Variants in MRC2 observed in about 807,000 individuals in gnomAD.
MRC2 encodes mannose receptor C-type 2.
A neutral mutation model predicts 206.2 loss-of-function variants in MRC2; 84 were observed. The ratio of observed to expected loss-of-function variants is 0.41; its 90% CI spans 0.34 to 0.49. MRC2 has a LOEUF of 0.49. Ranked by LOEUF, MRC2 falls within the 20% of genes least tolerant of loss-of-function variation. The pLI, the probability that MRC2 is intolerant of heterozygous loss-of-function variation, is 0.31. For synonymous variants in MRC2, 798 were observed against 800.0 expected (o/e 1.00, Z 0.04); for missense variants, 1,676 against 2,001.5 (o/e 0.84, Z 3.10).
chr17:62,666,780 A>T lies in MRC2; in HGVS notation c.883A>T (p.Thr295Ser), dbSNP rs752100861. The change falls in exon 5 of 30, where the codon ACC (threonine) becomes TCC (serine). Residue 295 changes from threonine (T) to serine (S), a missense_variant. Thr to Ser is a moderately conservative substitution (Grantham distance 58). Transcript: ENST00000303375. This position sits in a 1 kb window ranked among gnomAD's most constrained non-coding sequence, Gnocchi z 5.0. ...INGLLTGYSS[T>S]LWIGLNDLDT... ...AGGCCTCCTCACTGGGTACAGCTCC[A>T]CCCTGTGGATCGGCTTGAATGACTT... is the stretch of plus-strand genomic sequence containing the variant. 1 of 1,613,636 alleles carries T rather than the reference A, an allele frequency of 6.2e-7. No individual in the cohort carries two copies. The highest frequency in any genetic ancestry group is 2.2e-5 in the East Asian group (1 of 44,830).
intron 1 of MRC2, among the ~76,000 whole-genome samples, chr17:62,636,466 T>C (rs1258303386): frequency 7.2e-6 from 1 of 138,512 alleles, no homozygotes; most frequent in African/African-American, 2.7e-5. Flanking sequence ...TTCTGATTTT[T>C]TTTTTTTTTT....
At position 62,666,019 on chromosome 17, in the gene MRC2, C is replaced by A; in HGVS notation, c.521-75C>A. 2 of 1,462,976 alleles carry A rather than the reference C, an allele frequency of 1.4e-6. No individual in the cohort carries two copies. The highest frequency in any genetic ancestry group is 1.8e-6 in the Non-Finnish European group (2 of 1,090,838). 90.6% of individuals were successfully genotyped at this position (1,462,976 alleles called of 1,614,324 possible). ...CAGCACTCTGGGTTTTAGGGGATTTCTCCTGAGGGTCGAGGGGCTTGGCAG... is the reference window on the plus strand; with the variant it reads ...CAGCACTCTGGGTTTTAGGGGATTTATCCTGAGGGTCGAGGGGCTTGGCAG... On this transcript the variant is annotated intron_variant, in intron 2 of 29. Coordinates refer to ENST00000303375, the MANE Select transcript of MRC2 (RefSeq NM_006039.5). This position sits in a 1 kb window ranked among gnomAD's most constrained non-coding sequence, Gnocchi z 5.0.
At chr17:62,636,461 A>AT (rs60774612) in intron 1 of MRC2, among the ~76,000 whole-genome samples, 1,103 of 76,802 alleles carry the variant, frequency 0.014, 7 homozygotes, top group Non-Finnish European at 0.019. Flanking sequence ...TAATCTTCTG[A>AT]TTTTTTTTTT....
At chr17:62,690,828 C>A in intron 27 of MRC2, 67 bp downstream of exon 27, 3 of 1,515,726 alleles carry the variant, frequency 2.0e-6, no homozygotes, top group Non-Finnish European at 2.7e-6. Context: ...CTCCACTTTG[C>A]CCTGAGCCTT....
chr17:62,652,100 C>G lies in MRC2; in HGVS notation c.119-12448C>G, dbSNP rs1035303800. 6.6e-6 allele frequency among the ~76,000 whole-genome samples: 1 copy of G among 152,144 alleles called. No individual in the cohort carries two copies. Among genetic ancestry groups the G allele is most frequent in the Admixed American group, 6.5e-5 (1 of 15,278 alleles). On this transcript the variant is annotated intron_variant, in intron 1 of 29. Transcript: ENST00000303375. This position sits in a 1 kb window ranked among gnomAD's most constrained non-coding sequence, Gnocchi z 4.6. ...ACCAGAGGGGCACGTGTAATATTTCCGCTTTCGGTTACTCCCCACCCCACA... is the reference window on the plus strand; with the variant it reads ...ACCAGAGGGGCACGTGTAATATTTCGGCTTTCGGTTACTCCCCACCCCACA...
intron 1 of MRC2, among the ~76,000 whole-genome samples, chr17:62,632,477 G>T (rs911168193): frequency 3.9e-5 from 6 of 152,112 alleles, no homozygotes; most frequent in Admixed American, 1.3e-4. Flanking sequence ...CGCAGCTCTG[G>T]TTTTTGTTGT....
intron 1 of MRC2, among the ~76,000 whole-genome samples, chr17:62,643,803 A>G (rs543858531): frequency 3.9e-5 from 6 of 152,228 alleles, no homozygotes; most frequent in Non-Finnish European, 7.3e-5. Context: ...AAATGATGAA[A>G]TGAAACGTGA....
chr17:62,680,326 TG>T lies in MRC2; in HGVS notation c.2437+23del. The T allele has an allele frequency of 1.2e-5, 20 of 1,613,656 alleles. No individual in the cohort carries two copies. The highest frequency in any genetic ancestry group is 1.6e-5 in the Non-Finnish European group (19 of 1,179,768). The stretch of plus-strand genomic sequence containing the variant: ...CCCCAGAGGTTGGCCGGAGTGGCGC[TG>T]GGGGACGCGGGATGGAGCGAAGGGT... On this transcript the variant is annotated intron_variant, in intron 15 of 29. Transcript: ENST00000303375. This position sits in a 1 kb window ranked among gnomAD's most constrained non-coding sequence, Gnocchi z 4.8.
At chr17:62,654,690 C>T (rs949468679) in intron 1 of MRC2, among the ~76,000 whole-genome samples, 6 of 152,186 alleles carry the variant, frequency 3.9e-5, no homozygotes, top group Non-Finnish European at 5.9e-5. Context: ...GCAGACAGGA[C>T]GGGAGAGGAG....
intron 1 of MRC2, among the ~76,000 whole-genome samples, chr17:62,631,163 A>G (rs1363200148): frequency 6.6e-6 from 1 of 152,116 alleles, no homozygotes; most frequent in Non-Finnish European, 1.5e-5. Context: ...TCTCAGGCAG[A>G]TATTCATTTG....
At chr17:62,687,883 G>GA (rs146397202) in intron 20 of MRC2, among the ~76,000 whole-genome samples, 88 of 142,766 alleles carry the variant, frequency 6.2e-4, no homozygotes, top group Middle Eastern at 7.1e-3. Flanking sequence ...ACTCTGTCTT[G>GA]AAAAAAAAAA....
At chr17:62,662,669 G>A (rs1435996426) in intron 1 of MRC2, among the ~76,000 whole-genome samples, 2 of 152,134 alleles carry the variant, frequency 1.3e-5, no homozygotes, top group African/African-American at 4.8e-5. Context: ...CAGCACTTTG[G>A]GAGACCAAGG....
chr17:62,692,308 C>T lies in MRC2; in HGVS notation c.4297C>T (p.Leu1433Phe). 1.9e-6 allele frequency: 3 copies of T among 1,591,654 alleles called. No homozygotes were observed. Among genetic ancestry groups the T allele is most frequent in the Non-Finnish European group, 2.6e-6 (3 of 1,169,166 alleles). ...LLLLALLTAA[L>F]ILYRRRQSIE... ...GCTCCTGGCCTTGCTGACCGCAGCC[C>T]TCATCCTTTACCGGAGGCGCCAGAG... The change falls in exon 30 of 30, where the codon CTC (leucine) becomes TTC (phenylalanine). Residue 1433 changes from leucine to phenylalanine, a missense_variant. Leu to Phe is a conservative substitution (Grantham distance 22). Coordinates refer to ENST00000303375, the MANE Select transcript of MRC2 (RefSeq NM_006039.5). The surrounding 1 kb of genome is among the most constrained non-coding windows in gnomAD (Gnocchi z 4.2).
chr17:62,678,755 T>C, intron 13 of MRC2, 109 bp downstream of exon 13: 1 of 1,498,928 alleles, frequency 6.7e-7, no homozygotes, highest in Non-Finnish European at 9.0e-7. Flanking sequence ...TGGCAGAATG[T>C]GGGTGACCCC....
chr17:62,686,925 A>T (rs529311130), intron 20 of MRC2, among the ~76,000 whole-genome samples: 19 of 152,360 alleles, frequency 1.2e-4, no homozygotes, highest in East Asian at 9.6e-4. Flanking sequence ...CATCTGCATC[A>T]GTAAGGATGG....
chr17:62,662,304 G>A (rs1224793181), intron 1 of MRC2, among the ~76,000 whole-genome samples: 2 of 152,010 alleles, frequency 1.3e-5, no homozygotes, highest in African/African-American at 4.8e-5. Flanking sequence ...ACTATAATAG[G>A]ATGATGAGAT....
chr17:62,633,497 C>T (rs1210383361), intron 1 of MRC2, among the ~76,000 whole-genome samples: 7 of 127,456 alleles, frequency 5.5e-5, no homozygotes, highest in African/African-American at 1.2e-4. Context: ...AGCGGGACTC[C>T]GTCTCAAAAA....
intron 1 of MRC2, among the ~76,000 whole-genome samples, chr17:62,650,363 TC>T (rs1238409763): frequency 2.0e-5 from 3 of 152,210 alleles, no homozygotes; most frequent in Non-Finnish European, 4.4e-5. Context: ...CCCACACCCC[TC>T]CCAGGTGGGC....
At position 62,627,760 on chromosome 17, in the gene MRC2, G is replaced by A; in HGVS notation, c.-43G>A. 7.4e-7 allele frequency: 1 copy of A among 1,347,708 alleles called. No individual in the cohort carries two copies. Among genetic ancestry groups the A allele is most frequent in the Non-Finnish European group, 9.5e-7 (1 of 1,051,904 alleles). The allele number at this position is 1,347,708 out of a possible 1,614,324, so 83.5% of individuals were successfully genotyped here. On this transcript the variant is annotated 5_prime_UTR_variant, in exon 1 of 30. In the 5' UTR this introduces an upstream ATG that the reference lacks. Coordinates refer to ENST00000303375, the MANE Select transcript of MRC2 (RefSeq NM_006039.5). ...GGGGCTGCCACAGCGCGTTGCGCCT[G>A]TGCGCCCTCGGTCCCCGCGTCCACT...
Sources: allele counts gnomAD v4.1 joint callset (sites outside exome capture counted in the v4.1 genomes callset), GRCh38; gene constraint gnomAD v4.1.1; non-coding constraint Gnocchi (gnomAD v3.1); transcripts MANE v1.5; gene names NCBI Gene and HGNC (gene_info 2026-07-23, HGNC 2026-07-21).